The following HS6ST3 variants were observed in gnomAD, a reference collection of about 807,000 sequenced individuals.
The protein encoded by HS6ST3 is heparan sulfate 6-O-sulfotransferase 3.
HS6ST3 carries 12 observed loss-of-function variants against 36.7 expected under a neutral mutation model. The observed-to-expected ratio is 0.33, with a 90% confidence interval of 0.21 to 0.53. HS6ST3 has a LOEUF of 0.53. Ranked by LOEUF, HS6ST3 falls within the 20% of genes least tolerant of loss-of-function variation. HS6ST3 has a pLI of 0.95. For missense variants in HS6ST3, 584 were observed against 640.9 expected (o/e 0.91, Z 0.96); for synonymous variants, 240 against 257.5 (o/e 0.93, Z 0.65).
chr13:96,251,606 T>C (rs1001552123), intron 1 of HS6ST3, among the ~76,000 whole-genome samples: 2 of 152,092 alleles, frequency 1.3e-5, no homozygotes, highest in African/African-American at 4.8e-5. Flanking sequence ...TTCCTTCTAA[T>C]GTTGGGCTTT....
chr13:96,816,706 T>C (rs971911826), intron 1 of HS6ST3, among the ~76,000 whole-genome samples: 4 of 152,180 alleles, frequency 2.6e-5, no homozygotes, highest in African/African-American at 9.7e-5. Context: ...GGCAGACCTA[T>C]GCTCAACTTT....
chr13:96,163,222 ATTTTTTTTTT>A (rs147731415), intron 1 of HS6ST3, among the ~76,000 whole-genome samples: 33 of 79,078 alleles, frequency 4.2e-4, no homozygotes, highest in Non-Finnish European at 7.1e-4. Flanking sequence ...TCTGAGATAC[ATTTTTTTTTT>A]TTTTTTTTTT....
At chr13:96,650,961 T>G (rs1476775717) in intron 1 of HS6ST3, among the ~76,000 whole-genome samples, 1 of 152,108 alleles carries the variant, frequency 6.6e-6, no homozygotes, top group African/African-American at 2.4e-5. Context: ...ACATGCCCTC[T>G]CTAATCCATT....
In HS6ST3 at chr13:96,516,191, A is replaced by G. The variant is rs184945611; in HGVS notation, c.708-316299A>G. On this transcript the variant is annotated intron_variant, in intron 1 of 1. Coordinates refer to ENST00000376705, the MANE Select transcript of HS6ST3 (RefSeq NM_153456.4). ...ATTCTCCTGCTTCAGCCTCCTGAGT[A>G]CCTGGGACTAGAGGCACACACCACC... Among the ~76,000 whole-genome samples, 56 of 151,712 alleles carry G rather than the reference A, an allele frequency of 3.7e-4. No individual in the cohort carries two copies. In the East Asian group the frequency reaches 9.1e-3, roughly 25 times the overall value.
At chr13:96,329,919 C>T (rs1385565193) in intron 1 of HS6ST3, among the ~76,000 whole-genome samples, 1 of 148,646 alleles carries the variant, frequency 6.7e-6, no homozygotes, top group Non-Finnish European at 1.5e-5. Context: ...TTGAATTGAT[C>T]CTTTTACCAT....
At chr13:96,637,073 A>C (rs2056552543) in intron 1 of HS6ST3, among the ~76,000 whole-genome samples, 2 of 152,172 alleles carry the variant, frequency 1.3e-5, no homozygotes, top group South Asian at 4.1e-4. Context: ...AGAAGAAGAA[A>C]AAACTTAGGG....
intron 1 of HS6ST3, among the ~76,000 whole-genome samples, chr13:96,630,103 A>C (rs2056526883): frequency 1.3e-5 from 2 of 152,182 alleles, no homozygotes; most frequent in Admixed American, 1.3e-4. Flanking sequence ...TACTTTGTTA[A>C]AAAAATATTT....
chr13:96,481,416 T>C (rs1189736629), intron 1 of HS6ST3, among the ~76,000 whole-genome samples: 1 of 152,154 alleles, frequency 6.6e-6, no homozygotes, highest in African/African-American at 2.4e-5. Flanking sequence ...CATTTTTCTC[T>C]AGAGTAAAGC....
intron 1 of HS6ST3, among the ~76,000 whole-genome samples, chr13:96,417,732 T>TCACACGCA (rs1555303962): frequency 1.5e-5 from 2 of 137,234 alleles, no homozygotes; most frequent in African/African-American, 2.7e-5. Context: ...ATAGCTTATT[T>TCACACGCA]CACACACACA....
intron 1 of HS6ST3, among the ~76,000 whole-genome samples, chr13:96,132,168 AC>A (rs1422012424): frequency 2.2e-5 from 3 of 136,356 alleles, no homozygotes; most frequent in Non-Finnish European, 4.8e-5. Context: ...ACACACACAC[AC>A]ACAGAGCGCA....
chr13:96,543,952 G>GAGAT (rs2056187737), intron 1 of HS6ST3, among the ~76,000 whole-genome samples: 1 of 145,808 alleles, frequency 6.9e-6, no homozygotes, highest in African/African-American at 2.5e-5. Flanking sequence ...ATGATGGGGA[G>GAGAT]ATATATATAT....
intron 1 of HS6ST3, among the ~76,000 whole-genome samples, chr13:96,309,047 G>A (rs1187819502): frequency 6.6e-6 from 1 of 152,060 alleles, no homozygotes; most frequent in Non-Finnish European, 1.5e-5. Flanking sequence ...TATTTTCTAA[G>A]TGAATTTGAG....
chr13:96,784,502 C>T (rs1005641110), intron 1 of HS6ST3, among the ~76,000 whole-genome samples: 3 of 152,108 alleles, frequency 2.0e-5, no homozygotes, highest in Non-Finnish European at 2.9e-5. Context: ...TCAACAAGAG[C>T]ATGATAATGT....
chr13:96,816,434 C>T (rs1878423685), intron 1 of HS6ST3, among the ~76,000 whole-genome samples: 1 of 152,208 alleles, frequency 6.6e-6, no homozygotes, highest in East Asian at 1.9e-4. Context: ...TAGGATTTCA[C>T]AACAGAAGAA....
intron 1 of HS6ST3, among the ~76,000 whole-genome samples, chr13:96,732,049 G>T (rs1482345603): frequency 6.6e-6 from 1 of 152,000 alleles, no homozygotes; most frequent in Admixed American, 6.6e-5. Flanking sequence ...CTCTCTTTAC[G>T]CACATCCTTG....
At chr13:96,523,363 A>G (rs1253002584) in intron 1 of HS6ST3, among the ~76,000 whole-genome samples, 1 of 151,930 alleles carries the variant, frequency 6.6e-6, no homozygotes. Flanking sequence ...CTTCTCGAGG[A>G]GTATCTTTGT....
intron 1 of HS6ST3, among the ~76,000 whole-genome samples, chr13:96,118,864 C>A (rs1156644673): frequency 6.8e-6 from 1 of 147,522 alleles, no homozygotes; most frequent in Non-Finnish European, 1.5e-5. Flanking sequence ...GCGCCCGCCA[C>A]CGCGCCCGGC....
intron 1 of HS6ST3, among the ~76,000 whole-genome samples, chr13:96,389,354 C>T (rs1398591658): frequency 6.6e-6 from 1 of 152,036 alleles, no homozygotes. Flanking sequence ...CCCACAACAT[C>T]ATGTTGTAAA....
At chr13:96,414,379 A>G (rs535225444) in intron 1 of HS6ST3, among the ~76,000 whole-genome samples, 1 of 152,332 alleles carries the variant, frequency 6.6e-6, no homozygotes, top group African/African-American at 2.4e-5. Flanking sequence ...TTTAATTTGT[A>G]TATGCAAAAT....
Sources: gnomAD v4.1 joint callset for allele counts (sites outside exome capture counted in the v4.1 genomes callset) on GRCh38, gnomAD v4.1.1 for gene constraint, MANE v1.5 for transcripts, NCBI Gene and HGNC (gene_info 2026-07-23, HGNC 2026-07-21) for gene names.